ACTR3B: variants seen among roughly 807,000 people sequenced by gnomAD.
The protein encoded by ACTR3B is actin related protein 3B, also known as actin-related protein 3B.
A neutral mutation model predicts 59.0 loss-of-function variants in ACTR3B; 8 were observed. The observed-to-expected ratio is 0.14, with a 90% CI of 0.08 to 0.24. ACTR3B has a LOEUF of 0.24. Ranked by LOEUF, ACTR3B falls within the 10% of genes least tolerant of loss-of-function variation. The pLI, the probability that ACTR3B is intolerant of heterozygous loss-of-function variation, is 1.00. For synonymous variants in ACTR3B, 148 were observed against 197.9 expected (o/e 0.75, Z 2.12); for missense variants, 245 against 552.3 (o/e 0.44, Z 5.58).
intron 10 of ACTR3B, 25 bp downstream of exon 10, chr7:152,852,276 G>T: frequency 6.3e-7 from 1 of 1,596,384 alleles, no homozygotes; most frequent in Non-Finnish European, 8.5e-7. Flanking sequence ...CCTCCACGCA[G>T]TGCCTGGGGC....
At chr7:152,839,404 G>C (rs1418498229) in intron 9 of ACTR3B, among the ~76,000 whole-genome samples, 2 of 141,880 alleles carry the variant, frequency 1.4e-5, no homozygotes, top group Admixed American at 7.0e-5. Flanking sequence ...TTGTTCAGTT[G>C]TGTGACTTTG....
At chr7:152,760,837 G>T (rs1470397339) in intron 1 of ACTR3B, among the ~76,000 whole-genome samples, 1 of 152,146 alleles carries the variant, frequency 6.6e-6, no homozygotes, top group Non-Finnish European at 1.5e-5. Flanking sequence ...ATACAAGCTT[G>T]CCTGCCTGCG....
At chr7:152,804,806 T>TC (rs2098247476) in intron 4 of ACTR3B, among the ~76,000 whole-genome samples, 1 of 152,202 alleles carries the variant, frequency 6.6e-6, no homozygotes, top group African/African-American at 2.4e-5. Context: ...GTATGGTGTG[T>TC]GGAAGCACGC....
At chr7:152,848,485 C>T (rs1433785562) in intron 9 of ACTR3B, among the ~76,000 whole-genome samples, 3 of 152,090 alleles carry the variant, frequency 2.0e-5, no homozygotes, top group South Asian at 2.1e-4. Flanking sequence ...AAAAACAAAC[C>T]CCAAAACCTC....
intron 9 of ACTR3B, among the ~76,000 whole-genome samples, chr7:152,842,540 G>T (rs1020168942): frequency 6.6e-6 from 1 of 151,338 alleles, no homozygotes; most frequent in African/African-American, 2.4e-5. Context: ...GATAATGGGG[G>T]GCTGCTGGAA....
intron 2 of ACTR3B, among the ~76,000 whole-genome samples, chr7:152,800,314 C>A (rs146279306): frequency 8.7e-3 from 1,324 of 152,340 alleles, no homozygotes; most frequent in Middle Eastern, 0.034. Flanking sequence ...AGCTCATTTC[C>A]TTTGTCCCAT....
rs1037939770 is a variant in ACTR3B, at chr7:152,854,908, A to G, written c.*355A>G. The G allele has an allele frequency of 3.1e-4, 61 of 193,684 alleles. No individual in the cohort carries two copies. The highest frequency in any genetic ancestry group is 1.4e-3 in the African/African-American group (60 of 43,130). 12.0% of individuals were successfully genotyped at this position (193,684 alleles called of 1,614,324 possible). ...TGGCGCAAAATCGTTAGGTCCCAGG[A>G]GAGAATGTGGGGGCGCAAACCCTTT... is the stretch of plus-strand genomic sequence containing the variant. On this transcript the variant is annotated 3_prime_UTR_variant, in exon 12 of 12. Coordinates refer to ENST00000256001, the MANE Select transcript of ACTR3B (RefSeq NM_020445.6). The surrounding 1 kb of genome is among the most constrained non-coding windows in gnomAD (Gnocchi z 4.9).
At chr7:152,820,490 G>A (rs763282190) in intron 7 of ACTR3B, 48 bp downstream of exon 7, 5 of 1,573,546 alleles carry the variant, frequency 3.2e-6, no homozygotes, top group African/African-American at 2.7e-5. Flanking sequence ...GAGAGATGGT[G>A]TTCTGGACAC....
intron 4 of ACTR3B, among the ~76,000 whole-genome samples, chr7:152,806,360 G>A (rs2098252057): frequency 1.3e-5 from 2 of 152,194 alleles, no homozygotes; most frequent in African/African-American, 4.8e-5. Flanking sequence ...TCATTATATT[G>A]TAAATGTTCC....
intron 2 of ACTR3B, among the ~76,000 whole-genome samples, chr7:152,789,435 T>C (rs1590257479): frequency 6.6e-6 from 1 of 150,910 alleles, no homozygotes; most frequent in Admixed American, 6.6e-5. Flanking sequence ...TAGTTTTTGC[T>C]AGCTTTATTT....
At chr7:152,794,379 A>G (rs1371406756) in intron 2 of ACTR3B, among the ~76,000 whole-genome samples, 2 of 151,872 alleles carry the variant, frequency 1.3e-5, no homozygotes, top group Admixed American at 6.6e-5. Flanking sequence ...CACCATGCCC[A>G]GCTAAGTTTT....
At chr7:152,830,231 T>C (rs1796918609) in intron 9 of ACTR3B, among the ~76,000 whole-genome samples, 1 of 151,736 alleles carries the variant, frequency 6.6e-6, no homozygotes, top group Non-Finnish European at 1.5e-5. Context: ...AGAAGGAGAG[T>C]GGGCAGATGC....
intron 9 of ACTR3B, among the ~76,000 whole-genome samples, chr7:152,843,678 A>G (rs1289077962): frequency 6.6e-6 from 1 of 152,266 alleles, no homozygotes; most frequent in Non-Finnish European, 1.5e-5. Flanking sequence ...GTAATTGCAC[A>G]GTCTTACCCT....
At chr7:152,852,449 T>C (rs1431527205) in intron 10 of ACTR3B, among the ~76,000 whole-genome samples, 198 bp downstream of exon 10, 1 of 152,202 alleles carries the variant, frequency 6.6e-6, no homozygotes, top group African/African-American at 2.4e-5. Flanking sequence ...TTCAGACTGA[T>C]GGTCCTGGTG....
intron 7 of ACTR3B, among the ~76,000 whole-genome samples, chr7:152,821,597 T>G (rs1796163454): frequency 6.6e-6 from 1 of 152,152 alleles, no homozygotes; most frequent in Non-Finnish European, 1.5e-5. Context: ...TTCCTGACCC[T>G]CATGCTGGGC....
intron 2 of ACTR3B, among the ~76,000 whole-genome samples, chr7:152,788,905 C>A (rs1409685698): frequency 6.6e-6 from 1 of 151,706 alleles, no homozygotes; most frequent in Non-Finnish European, 1.5e-5. Context: ...CACCTGTAAT[C>A]CCAGCTACTT....
At chr7:152,832,714 A>G (rs889623943) in intron 9 of ACTR3B, among the ~76,000 whole-genome samples, 1 of 152,172 alleles carries the variant, frequency 6.6e-6, no homozygotes, top group African/African-American at 2.4e-5. Flanking sequence ...GCTTGCTTTC[A>G]GGCTGGCAAG....
At chr7:152,807,508 C>T (rs1165345910) in intron 4 of ACTR3B, among the ~76,000 whole-genome samples, 8 of 151,748 alleles carry the variant, frequency 5.3e-5, no homozygotes, top group East Asian at 1.9e-4. Flanking sequence ...TCCTGTATTT[C>T]GAGTCTTTTT....
At chr7:152,768,884 CCTT>C in intron 1 of ACTR3B, among the ~76,000 whole-genome samples, 1 of 151,256 alleles carries the variant, frequency 6.6e-6, no homozygotes, top group East Asian at 2.0e-4. Flanking sequence ...GACCGAGTCT[CCTT>C]CTGTCGTACA....
Sources: gnomAD v4.1 joint callset for allele counts (sites outside exome capture counted in the v4.1 genomes callset) on GRCh38, gnomAD v4.1.1 for gene constraint, Gnocchi (gnomAD v3.1) non-coding constraint, MANE v1.5 for transcripts, NCBI Gene and HGNC (gene_info 2026-07-23, HGNC 2026-07-21) for gene names.